Variants in HADH observed in about 807,000 individuals in gnomAD.
HADH encodes hydroxyacyl-CoA dehydrogenase, also known as hydroxyacyl-coenzyme A dehydrogenase, mitochondrial.
In HADH, 24 loss-of-function variants were observed where a neutral mutation model predicts 32.2. The observed-to-expected ratio is 0.75, with a 90% CI of 0.54 to 1.05. The LOEUF is 1.05. HADH is among the 50% of genes least tolerant of loss of function. HADH has a pLI of 0.00. For missense variants in HADH, 350 were observed against 397.1 expected, an observed-to-expected ratio of 0.88 and a Z score of 1.01; for synonymous variants, 139 against 152.5, an observed-to-expected ratio of 0.91 and a Z score of 0.65.
Position 108,012,642 on chromosome 4 carries a change from T to G in HADH, c.262-1789T>G, listed in dbSNP as rs369200922. On this transcript the variant is annotated intron_variant, in intron 2 of 7. Transcript: ENST00000309522. ...GTAACTTGTGGAATGCTGAGAAAGG[T>G]AAAAACACCTCTAAATAAGGAAGAG... is the stretch of plus-strand genomic sequence containing the variant. Among the ~76,000 whole-genome samples, 443 of 152,234 alleles carry G rather than the reference T, an allele frequency of 2.9e-3. 2 individuals are homozygous for G. The highest frequency in any genetic ancestry group is 0.01 in the African/African-American group (427 of 41,536).
At chr4:108,009,239 C>T (rs1045674270) in intron 1 of HADH, among the ~76,000 whole-genome samples, 1 of 152,222 alleles carries the variant, frequency 6.6e-6, no homozygotes, top group East Asian at 1.9e-4. Context: ...GTACAAGGGG[C>T]TCCAGCTCCA....
chr4:108,034,298 C>G lies in HADH; in HGVS notation c.886C>G (p.Leu296Val). The change falls in exon 8 of 8, where the codon CTG (leucine) becomes GTG (valine). Residue 296 changes from leucine (L) to valine (V), a missense_variant. Leu to Val is a conservative substitution (Grantham distance 32, BLOSUM62 1). Transcript: ENST00000309522. ...TCAGCCCAGCCCATCCTTAAATAAG[C>G]TGGTAGCAGAGAACAAGTTCGGCAA... ...LHQPSPSLNK[L>V]VAENKFGKKT... 2 of 1,613,694 alleles carry G rather than the reference C, an allele frequency of 1.2e-6. No individual in the cohort carries two copies. Among genetic ancestry groups the G allele is most frequent in the Non-Finnish European group, 1.7e-6 (2 of 1,179,558 alleles).
At chr4:107,996,582 A>C (rs1200827121) in intron 1 of HADH, among the ~76,000 whole-genome samples, 1 of 152,200 alleles carries the variant, frequency 6.6e-6, no homozygotes, top group Non-Finnish European at 1.5e-5. Flanking sequence ...AGTCTGTCCA[A>C]TTAATTTAAC....
intron 3 of HADH, among the ~76,000 whole-genome samples, chr4:108,015,888 C>T (rs1735675139): frequency 6.6e-6 from 1 of 152,120 alleles, no homozygotes; most frequent in South Asian, 2.1e-4. Context: ...GCTCCACTCT[C>T]GGGCATAGGA....
At chr4:108,029,800 A>C (rs923553139) in intron 6 of HADH, 2 of 152,524 alleles carry the variant, frequency 1.3e-5, no homozygotes, top group Non-Finnish European at 2.9e-5. Context: ...TTTGGCTTCC[A>C]TGTTGGGCCT....
chr4:108,026,075 A>G (rs1274647262), intron 5 of HADH: 1 of 151,998 alleles, frequency 6.6e-6, no homozygotes, highest in Non-Finnish European at 1.5e-5. Context: ...GGAGTCTTGC[A>G]GTGTCTCCCA....
chr4:108,023,278 C>G (rs780342804), intron 4 of HADH, among the ~76,000 whole-genome samples, 196 bp from the exon 5 acceptor site: 1 of 152,200 alleles, frequency 6.6e-6, no homozygotes, highest in South Asian at 2.1e-4. Flanking sequence ...AGGCATGAGC[C>G]ACCACATTTG....
At chr4:108,014,993 C>T (rs930344540) in intron 3 of HADH, among the ~76,000 whole-genome samples, 5 of 152,148 alleles carry the variant, frequency 3.3e-5, no homozygotes, top group Non-Finnish European at 7.4e-5. Context: ...GAGTAGTATT[C>T]CATGGTGTAT....
intron 1 of HADH, among the ~76,000 whole-genome samples, chr4:107,995,944 T>C (rs1359286306): frequency 6.6e-6 from 1 of 152,208 alleles, no homozygotes; most frequent in East Asian, 1.9e-4. Flanking sequence ...CTGCCATCCT[T>C]CTGCCCATGG....
At chr4:108,004,435 A>G in intron 1 of HADH, 1 of 335,292 alleles carries the variant, frequency 3.0e-6, no homozygotes. Flanking sequence ...TAACCTCTGC[A>G]TTTTTTTACC....
chr4:107,995,121 T>A (rs1214891658), intron 1 of HADH, among the ~76,000 whole-genome samples: 1 of 152,074 alleles, frequency 6.6e-6, no homozygotes, highest in Non-Finnish European at 1.5e-5. Flanking sequence ...AGGAAGATAA[T>A]GTGGATGTTC....
chr4:108,020,524 C>T lies in HADH; in HGVS notation c.546+858C>T, dbSNP rs373319755. On this transcript the variant is annotated intron_variant, in intron 4 of 7. Transcript: ENST00000309522. ...AAAACCAGCTTCTGATAGCCTTGAG[C>T]CTCCTGACCATAAACCTGGAAGGTG... Among the ~76,000 whole-genome samples the T allele has an allele frequency of 1.3e-3, 205 of 152,264 alleles. 1 individual carries two copies. Among genetic ancestry groups the T allele is most frequent in the African/African-American group, 4.9e-3 (202 of 41,548 alleles).
At position 108,033,222 on chromosome 4, in the gene HADH, C is replaced by T. The variant is rs773255849; in HGVS notation, c.756C>T (p.Ala252=). 1.2e-5 allele frequency: 19 copies of T among 1,610,734 alleles called. No individual in the cohort carries two copies. Among genetic ancestry groups the T allele is most frequent in the Admixed American group, 3.3e-5 (2 of 59,986 alleles). ...TTGACACTGCTATGAAATTAGGAGC[C>T]GGTTACCCCATGGGCCCATTTGAGC... is the stretch of plus-strand genomic sequence containing the variant. The part of the protein sequence containing the change: ...EDIDTAMKLG[A]GYPMGPFELL... Residue 252 remains alanine (A), a synonymous_variant, in exon 7 of 8, where the codon GCC becomes GCT. Coordinates refer to ENST00000309522, the MANE Select transcript of HADH (RefSeq NM_005327.7).
chr4:108,019,449 A>G (rs1227895178), intron 3 of HADH, 91 bp from the exon 4 acceptor site: 1 of 1,122,126 alleles, frequency 8.9e-7, no homozygotes, highest in African/African-American at 1.5e-5. Flanking sequence ...ATGTGGCAGT[A>G]AGCAGTCACC....
chr4:108,014,397 G>C lies in HADH; in HGVS notation c.262-34G>C, dbSNP rs17038398. ...TTGAAAGATAATTTCCAGTGAGCCC[G>C]GTGAATGTTCTCTTCTTCCTCCCAC... On this transcript the variant is annotated intron_variant, in intron 2 of 7. Coordinates refer to ENST00000309522, the MANE Select transcript of HADH (RefSeq NM_005327.7). The C allele has an allele frequency of 4.0e-4, 650 of 1,613,450 alleles. No individual in the cohort carries two copies. In the African/African-American group the frequency reaches 6.3e-3, roughly 16 times the overall value.
Position 108,035,056 on chromosome 4 carries a change from ACT to A in HADH, c.*702_*703del, listed in dbSNP as rs1272514414. ...ACTGTTGCAAATTGCCTATAAATTGACTCTACTAAAATAACAATGTTTCAGTC... is the reference window on the plus strand; with the variant it reads ...ACTGTTGCAAATTGCCTATAAATTGACTACTAAAATAACAATGTTTCAGTC... On this transcript the variant is annotated 3_prime_UTR_variant, in exon 8 of 8. Coordinates refer to ENST00000309522, the MANE Select transcript of HADH (RefSeq NM_005327.7). The A allele has an allele frequency of 6.5e-6, 1 of 152,702 alleles. No individual in the cohort carries two copies. The highest frequency in any genetic ancestry group is 2.4e-5 in the African/African-American group (1 of 41,404). 9.5% of individuals were successfully genotyped at this position (152,702 alleles called of 1,614,324 possible). A position where few individuals can be genotyped will look rare whatever the true frequency, so the allele number is the denominator to read the frequency against.
At chr4:107,991,021 G>A (rs768796975) in intron 1 of HADH, among the ~76,000 whole-genome samples, 5 of 152,156 alleles carry the variant, frequency 3.3e-5, no homozygotes, top group Non-Finnish European at 5.9e-5. Flanking sequence ...GATTACAGGC[G>A]TTAGCCACTG....
At chr4:108,029,909 C>G (rs1420509902) in intron 6 of HADH, 1 of 152,326 alleles carries the variant, frequency 6.6e-6, no homozygotes, top group African/African-American at 2.4e-5. Context: ...ACTGTCACTC[C>G]TGTGAGTCAG....
At chr4:108,002,054 G>A (rs1190390078) in intron 1 of HADH, among the ~76,000 whole-genome samples, 2 of 152,266 alleles carry the variant, frequency 1.3e-5, no homozygotes, top group African/African-American at 2.4e-5. Context: ...TAGGTCATGA[G>A]GGTTCTGTAT....
Sources: gnomAD v4.1 joint callset for allele counts (sites outside exome capture counted in the v4.1 genomes callset) on GRCh38, gnomAD v4.1.1 for gene constraint, MANE v1.5 for transcripts, NCBI Gene and HGNC (gene_info 2026-07-23, HGNC 2026-07-21) for gene names.